Variants in LRRC4C observed in about 807,000 individuals in gnomAD.
LRRC4C encodes the protein leucine rich repeat containing 4C.
LRRC4C carries 5 observed loss-of-function variants against 33.6 expected under a neutral mutation model. That is an observed-to-expected ratio of 0.15 (90% CI 0.08 to 0.31). LRRC4C has a LOEUF of 0.31. LRRC4C is among the 10% of genes least tolerant of loss of function. The probability of loss-of-function intolerance (pLI) is 1.00; values close to 1 mark genes in which losing one functional copy is unlikely to be tolerated. For missense variants in LRRC4C, 560 were observed against 796.7 expected, an observed-to-expected ratio of 0.70 and a Z score of 3.58; for synonymous variants, 329 against 302.0, an observed-to-expected ratio of 1.09 and a Z score of -0.93.
At chr11:40,737,011 T>C (rs1308105522) in intron 2 of LRRC4C, among the ~76,000 whole-genome samples, 1 of 152,068 alleles carries the variant, frequency 6.6e-6, no homozygotes, top group Non-Finnish European at 1.5e-5. Flanking sequence ...ATTAGATTCG[T>C]TTTGTCAATT....
rs189828749 is a variant in LRRC4C at position 41,180,432 on chromosome 11, C to A, written c.-495-246709G>T. ...TTTTATAAATAAACTTGCTGTTTCT[C>A]CTTTCTCCTAGAGAAAAGAACTTTG... On this transcript the variant is annotated intron_variant, in intron 1 of 6. Coordinates refer to ENST00000528697, the MANE Select transcript of LRRC4C (RefSeq NM_001258419.2). 2.6e-5 allele frequency among the ~76,000 whole-genome samples: 4 copies of A among 152,240 alleles called. No individual in the cohort carries two copies. In the East Asian group the frequency reaches 7.7e-4, roughly 29 times the overall value.
intron 1 of LRRC4C, among the ~76,000 whole-genome samples, chr11:41,184,292 T>G (rs902687758): frequency 1.3e-5 from 2 of 152,144 alleles, no homozygotes; most frequent in Admixed American, 1.3e-4. Context: ...GGGTGCAAAT[T>G]TTTCAAACCT....
intron 3 of LRRC4C, among the ~76,000 whole-genome samples, chr11:40,420,645 C>A (rs761061622): frequency 6.6e-6 from 1 of 152,168 alleles, no homozygotes; most frequent in Non-Finnish European, 1.5e-5. Flanking sequence ...CTAAAGAATG[C>A]ACTAATTCAA....
intron 1 of LRRC4C, among the ~76,000 whole-genome samples, chr11:41,414,691 G>A (rs554542917): frequency 2.1e-4 from 32 of 152,056 alleles, no homozygotes; most frequent in Non-Finnish European, 4.3e-4. Context: ...GATAAAACCT[G>A]GGAGAGAAGT....
At chr11:41,388,198 A>G (rs1040779633) in intron 1 of LRRC4C, among the ~76,000 whole-genome samples, 1 of 151,896 alleles carries the variant, frequency 6.6e-6, no homozygotes, top group African/African-American at 2.4e-5. Flanking sequence ...GAGAATAGAC[A>G]TGAATAATAT....
At chr11:40,332,677 C>A (rs1946415338) in intron 3 of LRRC4C, among the ~76,000 whole-genome samples, 1 of 152,130 alleles carries the variant, frequency 6.6e-6, no homozygotes, top group Admixed American at 6.6e-5. Flanking sequence ...ACTTTCCCAC[C>A]TAATAAAGCT....
At chr11:40,821,518 T>G (rs1951927138) in intron 2 of LRRC4C, among the ~76,000 whole-genome samples, 1 of 151,572 alleles carries the variant, frequency 6.6e-6, no homozygotes, top group Admixed American at 6.6e-5. Flanking sequence ...ATTTTTTCTT[T>G]AATAAATTTA....
At chr11:40,616,982 G>T (rs556924786) in intron 3 of LRRC4C, among the ~76,000 whole-genome samples, 323 of 150,704 alleles carry the variant, frequency 2.1e-3, no homozygotes, top group African/African-American at 7.5e-3. Flanking sequence ...TTTACCAATA[G>T]CTGGTCTTCA....
chr11:40,404,782 T>C (rs1949898469), intron 3 of LRRC4C, among the ~76,000 whole-genome samples: 1 of 152,140 alleles, frequency 6.6e-6, no homozygotes, highest in African/African-American at 2.4e-5. Context: ...AGACTCCATA[T>C]CATGATGTTG....
chr11:40,240,816 A>G (rs1865881614), intron 5 of LRRC4C, among the ~76,000 whole-genome samples: 1 of 152,108 alleles, frequency 6.6e-6, no homozygotes, highest in Non-Finnish European at 1.5e-5. Context: ...TATATATTAT[A>G]GTTTCATTAA....
chr11:40,499,974 C>T (rs959353971), intron 3 of LRRC4C, among the ~76,000 whole-genome samples: 2 of 151,838 alleles, frequency 1.3e-5, no homozygotes, highest in African/African-American at 4.8e-5. Flanking sequence ...TCATGGTGGG[C>T]CCTTACCCAT....
chr11:40,722,003 G>A (rs1008581467), intron 2 of LRRC4C, among the ~76,000 whole-genome samples: 5 of 152,088 alleles, frequency 3.3e-5, no homozygotes, highest in Non-Finnish European at 7.4e-5. Flanking sequence ...TTCAAACTGA[G>A]TTCTCAGAGA....
At chr11:40,767,448 A>T (rs1318891825) in intron 2 of LRRC4C, among the ~76,000 whole-genome samples, 1 of 152,108 alleles carries the variant, frequency 6.6e-6, no homozygotes, top group Non-Finnish European at 1.5e-5. Flanking sequence ...AACCTCAGAC[A>T]TAATCTGCAC....
intron 1 of LRRC4C, among the ~76,000 whole-genome samples, chr11:41,453,106 G>T (rs1956076481): frequency 6.6e-6 from 1 of 151,992 alleles, no homozygotes; most frequent in South Asian, 2.1e-4. Context: ...ATAACATATT[G>T]GGACATGCTA....
intron 2 of LRRC4C, among the ~76,000 whole-genome samples, chr11:40,851,379 G>A (rs982053047): frequency 1.3e-5 from 2 of 152,076 alleles, no homozygotes; most frequent in Non-Finnish European, 1.5e-5. Flanking sequence ...GCTTCCCTTA[G>A]CTAGGGGAGG....
intron 5 of LRRC4C, among the ~76,000 whole-genome samples, chr11:40,222,489 A>G (rs1864490249): frequency 6.6e-6 from 1 of 152,192 alleles, no homozygotes; most frequent in Non-Finnish European, 1.5e-5. Flanking sequence ...TCATGTTCCC[A>G]AGGCATTAAA....
At chr11:40,301,751 T>A (rs1944783481) in intron 4 of LRRC4C, among the ~76,000 whole-genome samples, 1 of 152,214 alleles carries the variant, frequency 6.6e-6, no homozygotes, top group African/African-American at 2.4e-5. Flanking sequence ...CATTGAAGAT[T>A]CATTTAGCAC....
chr11:41,088,605 A>C (rs1225175653), intron 1 of LRRC4C, among the ~76,000 whole-genome samples: 1 of 152,138 alleles, frequency 6.6e-6, no homozygotes, highest in African/African-American at 2.4e-5. Flanking sequence ...TGATTCAAGA[A>C]CCATACTCTA....
intron 1 of LRRC4C, among the ~76,000 whole-genome samples, chr11:41,373,991 T>A (rs1039437735): frequency 6.6e-6 from 1 of 152,092 alleles, no homozygotes; most frequent in Non-Finnish European, 1.5e-5. Context: ...AGTAAAAAAA[T>A]TTTCATATCA....
Sources: allele counts gnomAD v4.1 joint callset (sites outside exome capture counted in the v4.1 genomes callset), GRCh38; gene constraint gnomAD v4.1.1; transcripts MANE v1.5; gene names NCBI Gene and HGNC (gene_info 2026-07-23, HGNC 2026-07-21).